Variants in EIF3F observed in about 807,000 individuals in gnomAD.
The protein encoded by EIF3F is deubiquitinating enzyme eIF3f.
A neutral mutation model predicts 36.0 loss-of-function variants in EIF3F; 8 were observed. The ratio of observed to expected loss-of-function variants is 0.22; its 90% CI spans 0.13 to 0.40. The LOEUF is 0.40. EIF3F is among the 10% of genes least tolerant of loss of function. EIF3F has a pLI of 1.00. For synonymous variants in EIF3F, 184 were observed against 188.5 expected (o/e 0.98, Z 0.19); for missense variants, 430 against 467.6 (o/e 0.92, Z 0.74).
At chr11:7,991,895 C>T (rs1055791369) in intron 2 of EIF3F, 44 bp downstream of exon 2, 1 of 1,607,724 alleles carries the variant, frequency 6.2e-7, no homozygotes, top group African/African-American at 1.3e-5. Context: ...TTTAGCTGTT[C>T]ATTTGCTCGG....
intron 1 of EIF3F, 126 bp downstream of exon 1, chr11:7,987,842 C>T: frequency 4.5e-6 from 6 of 1,325,838 alleles, no homozygotes; most frequent in Non-Finnish European, 3.9e-6. Flanking sequence ...CCAATGACCT[C>T]TTAATCTATA....
In EIF3F at chr11:7,991,768, C is replaced by T; in HGVS notation, c.365-13C>T. ...AGGATTATATAACACATGGACGATT[C>T]TCTCTTTCACAGGAACTGTCGACAA... On this transcript the variant is annotated splice_polypyrimidine_tract_variant and intron_variant, in intron 1 of 7. Coordinates refer to ENST00000651655, the MANE Select transcript of EIF3F (RefSeq NM_003754.3). 6.2e-7 allele frequency: 1 copy of T among 1,614,044 alleles called. No individual in the cohort carries two copies. Among genetic ancestry groups the T allele is most frequent in the East Asian group, 2.2e-5 (1 of 44,884 alleles).
intron 1 of EIF3F, among the ~76,000 whole-genome samples, chr11:7,989,732 G>A (rs1472405448): frequency 2.0e-5 from 3 of 152,182 alleles, no homozygotes; most frequent in African/African-American, 7.2e-5. Context: ...TATTTCAGAA[G>A]GTTGGGGAAA....
chr11:8,001,671 C>A lies in EIF3F; in HGVS notation c.*5649C>A, dbSNP rs1170198051. Reference sequence around the variant, plus strand: ...TACGGGAAAATAAATAATATAAATACCTAGAATATTTGTGAAGGTACAGCC... The same window carrying A: ...TACGGGAAAATAAATAATATAAATAACTAGAATATTTGTGAAGGTACAGCC... On this transcript the variant is annotated 3_prime_UTR_variant, in exon 8 of 8. Transcript: ENST00000651655. The A allele has an allele frequency of 6.6e-6, 1 of 151,620 alleles. No individual in the cohort carries two copies. Among genetic ancestry groups the A allele is most frequent in the African/African-American group, 2.4e-5 (1 of 41,212 alleles). The allele number at this position is 151,620 out of a possible 1,614,324, so 9.4% of individuals were successfully genotyped here.
At chr11:7,989,900 A>C (rs1408895851) in intron 1 of EIF3F, among the ~76,000 whole-genome samples, 1 of 152,264 alleles carries the variant, frequency 6.6e-6, no homozygotes, top group Non-Finnish European at 1.5e-5. Context: ...CAGAGCCCTA[A>C]GAAGTATTAA....
rs1172259537 is a variant in EIF3F, at chr11:7,997,817, G to A, written c.*1795G>A. 6.6e-6 allele frequency: 1 copy of A among 152,206 alleles called. No individual in the cohort carries two copies. Among genetic ancestry groups the A allele is most frequent in the African/African-American group, 2.4e-5 (1 of 41,452 alleles). 9.4% of individuals were successfully genotyped at this position (152,206 alleles called of 1,614,324 possible). On this transcript the variant is annotated 3_prime_UTR_variant, in exon 8 of 8. Transcript: ENST00000651655. The stretch of plus-strand genomic sequence containing the variant: ...CATCTATGGACTCAACCAACTACAG[G>A]TTGAAAATATTGAGGGGGAAAATTG...
Position 8,000,338 on chromosome 11 carries a change from A to G in EIF3F, c.*4316A>G, listed in dbSNP as rs1333474812. The stretch of plus-strand genomic sequence containing the variant: ...TGAAATAAGCCATGATCTCACTTGG[A>G]TATGGAATCACAAAATTGAACTCAC... On this transcript the variant is annotated 3_prime_UTR_variant, in exon 8 of 8. Coordinates refer to ENST00000651655, the MANE Select transcript of EIF3F (RefSeq NM_003754.3). 6.6e-6 allele frequency: 1 copy of G among 152,176 alleles called. No homozygotes were observed. Among genetic ancestry groups the G allele is most frequent in the Admixed American group, 6.6e-5 (1 of 15,260 alleles). The allele number at this position is 152,176 out of a possible 1,614,324, so 9.4% of individuals were successfully genotyped here.
Position 7,998,170 on chromosome 11 carries a change from G to A in EIF3F, c.*2148G>A, listed in dbSNP as rs1489478855. 1 of 152,180 alleles carries A rather than the reference G, an allele frequency of 6.6e-6. No homozygotes were observed. Among genetic ancestry groups the A allele is most frequent in the East Asian group, 1.9e-4 (1 of 5,198 alleles). The allele number at this position is 152,180 out of a possible 1,614,324, so 9.4% of individuals were successfully genotyped here. ...GTCACCATGAACACTGAATTAGAGA[G>A]TACTGAACCATTATTCCCAAGGGAA... is the stretch of plus-strand genomic sequence containing the variant. On this transcript the variant is annotated 3_prime_UTR_variant, in exon 8 of 8. Transcript: ENST00000651655.
At position 8,000,056 on chromosome 11, in the gene EIF3F, T is replaced by C. The variant is rs1165400518; in HGVS notation, c.*4034T>C. ...CCGTCTCTACAAAAGATACAAAAAT[T>C]AGCCAGGCATCTTGGAGGGCGCCTG... On this transcript the variant is annotated 3_prime_UTR_variant, in exon 8 of 8. Transcript: ENST00000651655. The C allele has an allele frequency of 6.6e-6, 1 of 151,810 alleles. No homozygotes were observed. The highest frequency in any genetic ancestry group is 1.5e-5 in the Non-Finnish European group (1 of 67,948). 9.4% of individuals were successfully genotyped at this position (151,810 alleles called of 1,614,324 possible). A position where few individuals can be genotyped will look rare whatever the true frequency, so the allele number is the denominator to read the frequency against.
At chr11:7,992,610 A>T in intron 3 of EIF3F, 1 of 495,268 alleles carries the variant, frequency 2.0e-6, no homozygotes, top group Non-Finnish European at 3.6e-6. Context: ...TACCTGTAGG[A>T]ACTGTGAATT....
intron 7 of EIF3F, chr11:7,995,591 A>T: frequency 1.7e-6 from 1 of 595,030 alleles, no homozygotes. Context: ...TTTACTGCTG[A>T]TACTACTGTG....
At chr11:7,994,744 T>G in intron 5 of EIF3F, 1 of 696,796 alleles carries the variant, frequency 1.4e-6, no homozygotes, top group Non-Finnish European at 2.4e-6. Context: ...CCACATACCA[T>G]TCACATGAGA....
At chr11:7,995,434 G>A (rs1441069787) in intron 7 of EIF3F, 67 bp downstream of exon 7, 1 of 1,309,306 alleles carries the variant, frequency 7.6e-7, no homozygotes, top group Non-Finnish European at 1.1e-6. Context: ...ACACTCAAAT[G>A]TGAAAAGAGT....
At chr11:7,994,060 G>A (rs1006164514) in intron 4 of EIF3F, among the ~76,000 whole-genome samples, 4 of 152,124 alleles carry the variant, frequency 2.6e-5, no homozygotes, top group Non-Finnish European at 4.4e-5. Context: ...GATGAAGGGC[G>A]TAGTCCCCGA....
In EIF3F at chr11:7,999,664, A is replaced by G. The variant is rs1215888259; in HGVS notation, c.*3642A>G. 7.2e-6 allele frequency: 1 copy of G among 138,592 alleles called. No homozygotes were observed. Among genetic ancestry groups the G allele is most frequent in the Non-Finnish European group, 1.6e-5 (1 of 63,392 alleles). 8.6% of individuals were successfully genotyped at this position (138,592 alleles called of 1,614,324 possible). A position where few individuals can be genotyped will look rare whatever the true frequency, so the allele number is the denominator to read the frequency against. ...AAACCAAATAGTTCAGTAGACTCAA[A>G]ATGCAAGCGTTGGTGAGGGTATGGA... is the stretch of plus-strand genomic sequence containing the variant. On this transcript the variant is annotated 3_prime_UTR_variant, in exon 8 of 8. Coordinates refer to ENST00000651655, the MANE Select transcript of EIF3F (RefSeq NM_003754.3).
At chr11:7,988,760 T>A (rs7125891) in intron 1 of EIF3F, among the ~76,000 whole-genome samples, 1 of 152,054 alleles carries the variant, frequency 6.6e-6, no homozygotes, top group Non-Finnish European at 1.5e-5. Context: ...GCCATGTGAC[T>A]TGGGGCAGAT....
Position 7,996,097 on chromosome 11 carries a change from T to C in EIF3F, c.*75T>C. ...CAGAAGTGAAGGAGAAATGGGTTTTTTGTGGTCTTGAGTCACACTGAGATA... is the reference window on the plus strand; with the variant it reads ...CAGAAGTGAAGGAGAAATGGGTTTTCTGTGGTCTTGAGTCACACTGAGATA... On this transcript the variant is annotated 3_prime_UTR_variant, in exon 8 of 8. Transcript: ENST00000651655. 1 of 1,400,460 alleles carries C rather than the reference T, an allele frequency of 7.1e-7. No homozygotes were observed. Among genetic ancestry groups the C allele is most frequent in the South Asian group, 1.2e-5 (1 of 86,532 alleles). The allele number at this position is 1,400,460 out of a possible 1,614,324, so 86.8% of individuals were successfully genotyped here.
chr11:7,994,941 C>G (rs771914665), intron 5 of EIF3F, 41 bp from the exon 6 acceptor site: 1 of 1,606,416 alleles, frequency 6.2e-7, no homozygotes, highest in Non-Finnish European at 8.5e-7. Flanking sequence ...TCTCTTACTG[C>G]CCACCACTGC....
Position 7,996,335 on chromosome 11 carries a change from T to C in EIF3F, c.*313T>C. On this transcript the variant is annotated 3_prime_UTR_variant, in exon 8 of 8. Transcript: ENST00000651655. ...GGTTTTCAATATGGAAAGGTGTCCA[T>C]TGGCAAAACAACCTTTTCTTGAGGA... 1 of 235,002 alleles carries C rather than the reference T, an allele frequency of 4.3e-6. No homozygotes were observed. The highest frequency in any genetic ancestry group is 8.3e-6 in the Non-Finnish European group (1 of 120,702). 14.6% of individuals were successfully genotyped at this position (235,002 alleles called of 1,614,324 possible). A position where few individuals can be genotyped will look rare whatever the true frequency, so the allele number is the denominator to read the frequency against.
Sources: allele counts gnomAD v4.1 joint callset (sites outside exome capture counted in the v4.1 genomes callset), GRCh38; gene constraint gnomAD v4.1.1; transcripts MANE v1.5; gene names NCBI Gene and HGNC (gene_info 2026-07-23, HGNC 2026-07-21).